The following CNTN6 variants were observed in gnomAD, a reference collection of about 807,000 sequenced individuals.
CNTN6 encodes the protein contactin 6, also known as contactin-6.
In CNTN6, 137 loss-of-function variants were observed where a neutral mutation model predicts 122.8. The observed-to-expected ratio is 1.12, with a 90% CI of 0.97 to 1.29. The LOEUF (loss-of-function observed/expected upper bound fraction) is 1.29. Among genes scored for constraint, CNTN6 ranks in the 50% most tolerant of loss-of-function variants. The pLI, the probability that CNTN6 is intolerant of heterozygous loss-of-function variation, is 0.00. For missense variants in CNTN6, 1,634 were observed against 1,223.4 expected (o/e 1.34, Z -5.01); for synonymous variants, 570 against 426.0 (o/e 1.34, Z -4.16).
chr3:1,294,539 G>A (rs1695875393), intron 5 of CNTN6, among the ~76,000 whole-genome samples: 1 of 152,102 alleles, frequency 6.6e-6, no homozygotes, highest in Admixed American at 6.6e-5. Flanking sequence ...TGATTAAACG[G>A]AACACAAGTT....
intron 2 of CNTN6, among the ~76,000 whole-genome samples, chr3:1,182,840 C>T (rs921421484): frequency 3.9e-5 from 6 of 151,956 alleles, no homozygotes; most frequent in African/African-American, 1.4e-4. Context: ...GTTGCATGAA[C>T]AATTTAATTT....
intron 1 of CNTN6, among the ~76,000 whole-genome samples, chr3:1,099,214 G>C (rs935017541): frequency 6.6e-6 from 1 of 152,128 alleles, no homozygotes; most frequent in South Asian, 2.1e-4. Flanking sequence ...CACTTTGGGA[G>C]GCCGAGGCGG....
At chr3:1,132,440 G>A (rs1273028218) in intron 1 of CNTN6, among the ~76,000 whole-genome samples, 1 of 151,934 alleles carries the variant, frequency 6.6e-6, no homozygotes, top group Non-Finnish European at 1.5e-5. Context: ...TTTTTAAAAT[G>A]TGGGCTGGGT....
At chr3:1,347,686 G>A (rs1207735755) in intron 11 of CNTN6, among the ~76,000 whole-genome samples, 4 of 152,154 alleles carry the variant, frequency 2.6e-5, no homozygotes, top group African/African-American at 9.6e-5. Flanking sequence ...TCAAATATTA[G>A]TATCAGCTAA....
At chr3:1,328,427 A>G (rs1701832719) in intron 10 of CNTN6, among the ~76,000 whole-genome samples, 1 of 151,804 alleles carries the variant, frequency 6.6e-6, no homozygotes, top group South Asian at 2.1e-4. Flanking sequence ...ACAAAGTTTT[A>G]TGAGCTTATG....
intron 1 of CNTN6, among the ~76,000 whole-genome samples, chr3:1,125,162 A>G (rs763248719): frequency 3.3e-5 from 5 of 152,018 alleles, no homozygotes; most frequent in Non-Finnish European, 7.4e-5. Context: ...GAAATAACCA[A>G]TGGAAATATT....
intron 20 of CNTN6, among the ~76,000 whole-genome samples, chr3:1,387,243 A>C (rs1049109402): frequency 6.6e-6 from 1 of 152,186 alleles, no homozygotes; most frequent in Admixed American, 6.5e-5. Flanking sequence ...TGGAGCAAAA[A>C]TTTTTGAACC....
chr3:1,249,572 G>A (rs547861848), intron 4 of CNTN6, among the ~76,000 whole-genome samples: 1 of 152,190 alleles, frequency 6.6e-6, no homozygotes, highest in Non-Finnish European at 1.5e-5. Flanking sequence ...AAATAAGGAA[G>A]AGTCTCCATC....
At chr3:1,225,982 T>C (rs925060581) in intron 3 of CNTN6, among the ~76,000 whole-genome samples, 1 of 152,188 alleles carries the variant, frequency 6.6e-6, no homozygotes, top group Non-Finnish European at 1.5e-5. Flanking sequence ...TGGTAGGCAT[T>C]TGTCAGATTC....
chr3:1,241,422 G>A (rs182093364), intron 4 of CNTN6, among the ~76,000 whole-genome samples: 1 of 152,088 alleles, frequency 6.6e-6, no homozygotes, highest in East Asian at 1.9e-4. Flanking sequence ...AGGTCTTGTG[G>A]TGAGGGGTGA....
chr3:1,359,001 A>T (rs1054671335), intron 12 of CNTN6, among the ~76,000 whole-genome samples: 1 of 152,040 alleles, frequency 6.6e-6, no homozygotes, highest in Non-Finnish European at 1.5e-5. Flanking sequence ...TCAAGATTGC[A>T]GTGAGCTATG....
At chr3:1,289,652 T>C (rs1218385895) in intron 5 of CNTN6, among the ~76,000 whole-genome samples, 1 of 143,188 alleles carries the variant, frequency 7.0e-6, no homozygotes, top group Non-Finnish European at 1.5e-5. Flanking sequence ...GAGTTTTATC[T>C]TTTGTTTTGT....
intron 20 of CNTN6, among the ~76,000 whole-genome samples, chr3:1,387,874 C>T (rs1190536854): frequency 2.0e-5 from 3 of 152,204 alleles, no homozygotes; most frequent in African/African-American, 4.8e-5. Context: ...AACGGCGCAC[C>T]ACGAGATTAT....
At position 1,220,696 on chromosome 3, in the gene CNTN6, T is replaced by A; in HGVS notation, c.65T>A (p.Leu22His). 1 of 1,609,886 alleles carries A rather than the reference T, an allele frequency of 6.2e-7. No homozygotes were observed. The highest frequency in any genetic ancestry group is 1.7e-5 in the Admixed American group (1 of 59,190). Residue 22 changes from leucine (L) to histidine (H), a missense_variant, in exon 3 of 23, where the codon CTT becomes CAT. Leu to His is a moderately conservative substitution (Grantham distance 99, BLOSUM62 -3). Coordinates refer to ENST00000446702, the MANE Select transcript of CNTN6 (RefSeq NM_001289080.2). ...TCTTTTCTTTTCCCAGGTGATGGTC[T>A]TTTAAGCCGTCCTATTTTTACTCAG... ...PLINSSAGDG[L>H]LSRPIFTQEP...
At chr3:1,197,897 C>T (rs954731970) in intron 2 of CNTN6, among the ~76,000 whole-genome samples, 6 of 152,088 alleles carry the variant, frequency 3.9e-5, no homozygotes, top group Non-Finnish European at 7.4e-5. Context: ...GAAAAGCATC[C>T]TATCCCCCCT....
chr3:1,278,122 T>A (rs1269231847), intron 4 of CNTN6, among the ~76,000 whole-genome samples: 1 of 152,182 alleles, frequency 6.6e-6, no homozygotes, highest in Non-Finnish European at 1.5e-5. Context: ...AGTAAATATG[T>A]GTTGGGCTTC....
chr3:1,399,807 T>A (rs1265427781), intron 20 of CNTN6, among the ~76,000 whole-genome samples: 1 of 152,074 alleles, frequency 6.6e-6, no homozygotes, highest in Non-Finnish European at 1.5e-5. Context: ...CAGAGTTGAG[T>A]AAGGCACTTG....
rs376327483 is a variant in CNTN6, at chr3:1,245,388, C to T, written c.358+17395C>T. 1.3e-4 allele frequency among the ~76,000 whole-genome samples: 17 copies of T among 127,138 alleles called. No homozygotes were observed. The East Asian group carries it at 3.6e-3, about 27-fold the overall frequency. 83.4% of individuals were successfully genotyped at this position (127,138 alleles called of 152,430 possible). A position where few individuals can be genotyped will look rare whatever the true frequency, so the allele number is the denominator to read the frequency against. ...AGGAATGAAATAATGGCATTCACAG[C>T]AACCTAGATGGAATTGGAGACTATT... is the stretch of plus-strand genomic sequence containing the variant. On this transcript the variant is annotated intron_variant, in intron 4 of 22. Transcript: ENST00000446702.
At chr3:1,100,866 G>A (rs975021606) in intron 1 of CNTN6, among the ~76,000 whole-genome samples, 5 of 151,956 alleles carry the variant, frequency 3.3e-5, no homozygotes, top group Non-Finnish European at 7.4e-5. Context: ...GATTGTGATT[G>A]TTTTACTATT....
Sources: allele counts gnomAD v4.1 joint callset (sites outside exome capture counted in the v4.1 genomes callset), GRCh38; gene constraint gnomAD v4.1.1; transcripts MANE v1.5; gene names NCBI Gene and HGNC (gene_info 2026-07-23, HGNC 2026-07-21).